Variants in SLIT3 observed in about 807,000 individuals in gnomAD.
SLIT3 encodes the protein slit guidance ligand 3, also known as slit homolog 3 protein.
SLIT3 carries 68 observed loss-of-function variants against 184.0 expected under a neutral mutation model. The observed-to-expected ratio is 0.37, with a 90% CI of 0.30 to 0.45. The LOEUF is 0.45. Among genes scored for constraint, SLIT3 ranks in the 20% least tolerant of loss-of-function variants. The pLI is 1.00. For synonymous variants in SLIT3, 831 were observed against 828.6 expected (o/e 1.00, Z -0.05); for missense variants, 1,707 against 2,026.0 (o/e 0.84, Z 3.02).
intron 4 of SLIT3, among the ~76,000 whole-genome samples, chr5:169,106,258 G>T (rs893839607): frequency 6.6e-6 from 1 of 152,144 alleles, no homozygotes; most frequent in Non-Finnish European, 1.5e-5. Context: ...GAAGCCAAGG[G>T]TCCTCTTTCA....
At chr5:169,033,502 C>T (rs899188796) in intron 4 of SLIT3, among the ~76,000 whole-genome samples, 1 of 152,050 alleles carries the variant, frequency 6.6e-6, no homozygotes, top group African/African-American at 2.4e-5. Context: ...TTTTTAATTT[C>T]CTTAGGAATA....
intron 30 of SLIT3, 110 bp downstream of exon 30, chr5:168,686,869 G>C (rs1189793177): frequency 7.4e-7 from 1 of 1,344,574 alleles, no homozygotes; most frequent in African/African-American, 1.4e-5. Flanking sequence ...CAGAACCGGG[G>C]CTACAGCCAC....
chr5:169,056,828 G>A (rs1237992690), intron 4 of SLIT3, among the ~76,000 whole-genome samples: 2 of 152,172 alleles, frequency 1.3e-5, no homozygotes, highest in Non-Finnish European at 2.9e-5. Flanking sequence ...CAGGGGAGGT[G>A]GCCCAGGGCC....
At chr5:168,723,228 C>T (rs1763001942) in intron 21 of SLIT3, among the ~76,000 whole-genome samples, 1 of 152,010 alleles carries the variant, frequency 6.6e-6, no homozygotes, top group Admixed American at 6.6e-5. Context: ...TCCATCCATA[C>T]ATCTACCCAC....
At chr5:169,216,606 G>C (rs954173740) in intron 3 of SLIT3, among the ~76,000 whole-genome samples, 1 of 152,148 alleles carries the variant, frequency 6.6e-6, no homozygotes, top group Admixed American at 6.5e-5. Context: ...GGGGAAGAAC[G>C]TGCTGTAATG....
At chr5:168,833,431 G>A (rs1172839464) in intron 6 of SLIT3, among the ~76,000 whole-genome samples, 1 of 152,172 alleles carries the variant, frequency 6.6e-6, no homozygotes, top group Non-Finnish European at 1.5e-5. Flanking sequence ...CTTACTCAAC[G>A]GGTTTCTGGT....
rs295991 is a variant in SLIT3 at position 169,103,636 on chromosome 5, G to A, written c.413+89843C>T. On this transcript the variant is annotated intron_variant, in intron 4 of 35. Coordinates refer to ENST00000519560, the MANE Select transcript of SLIT3 (RefSeq NM_003062.4). ...TCCCCAGGGTGGGCATGCTGTTACC[G>A]GGAGGTGGGTGGGTCTGCCACGTTC... 4.9e-4 allele frequency among the ~76,000 whole-genome samples: 75 copies of A among 152,286 alleles called. 1 individual carries two copies. The highest frequency in any genetic ancestry group is 1.7e-3 in the African/African-American group (72 of 41,548).
chr5:169,037,807 C>T (rs1335336570), intron 4 of SLIT3: 1 of 152,284 alleles, frequency 6.6e-6, no homozygotes, highest in East Asian at 1.9e-4. Context: ...GACTGCCGCA[C>T]TGTGACCTCG....
chr5:169,067,658 T>C (rs1041793870), intron 4 of SLIT3, among the ~76,000 whole-genome samples: 1 of 152,170 alleles, frequency 6.6e-6, no homozygotes, highest in Non-Finnish European at 1.5e-5. Context: ...CTAAAGATAC[T>C]TGGGGAGATA....
At chr5:169,184,393 A>G (rs2113449778) in intron 4 of SLIT3, among the ~76,000 whole-genome samples, 1 of 152,364 alleles carries the variant, frequency 6.6e-6, no homozygotes, top group East Asian at 1.9e-4. Flanking sequence ...CAGTTTCCTC[A>G]TCAGTGTAGC....
intron 3 of SLIT3, among the ~76,000 whole-genome samples, chr5:169,216,264 T>C (rs1764431854): frequency 6.6e-6 from 1 of 152,174 alleles, no homozygotes; most frequent in Admixed American, 6.5e-5. Flanking sequence ...CTAATTCCCT[T>C]ATCCACCATC....
intron 4 of SLIT3, among the ~76,000 whole-genome samples, chr5:168,888,103 G>C (rs558993602): frequency 6.6e-6 from 1 of 152,156 alleles, no homozygotes; most frequent in Non-Finnish European, 1.5e-5. Flanking sequence ...CCAAGGACAC[G>C]GGGGTTAAGT....
At chr5:168,883,606 G>C (rs1052733163) in intron 4 of SLIT3, among the ~76,000 whole-genome samples, 2 of 152,226 alleles carry the variant, frequency 1.3e-5, no homozygotes, top group Non-Finnish European at 2.9e-5. Flanking sequence ...GAGCCAAGAG[G>C]CTGGGTTATT....
intron 3 of SLIT3, among the ~76,000 whole-genome samples, chr5:169,196,680 C>T (rs577321839): frequency 2.6e-5 from 4 of 152,182 alleles, no homozygotes; most frequent in African/African-American, 9.7e-5. Context: ...TGCACCCAGT[C>T]GGTCAGACTC....
Position 168,778,927 on chromosome 5 carries a change from C to G in SLIT3, c.1152-4549G>C, listed in dbSNP as rs57282025. ...TTTCCCCAGATGCAGATCCAGTGAT[C>G]TTTTGGGGCCACCTGCTCCAGATCT... is the stretch of plus-strand genomic sequence containing the variant. On this transcript the variant is annotated intron_variant, in intron 12 of 35. Transcript: ENST00000519560. 1.9e-3 allele frequency among the ~76,000 whole-genome samples: 295 copies of G among 152,228 alleles called. 6 individuals are homozygous for G. The highest frequency in any genetic ancestry group is 7.7e-4 in the East Asian group (4 of 5,164).
intron 4 of SLIT3, among the ~76,000 whole-genome samples, chr5:169,050,390 A>G (rs1056613956): frequency 2.6e-5 from 4 of 152,138 alleles, no homozygotes; most frequent in Non-Finnish European, 5.9e-5. Flanking sequence ...CACTTTACCC[A>G]GTCTATCCAC....
chr5:168,721,975 G>A (rs1391313517), intron 23 of SLIT3, among the ~76,000 whole-genome samples: 1 of 152,168 alleles, frequency 6.6e-6, no homozygotes, highest in Non-Finnish European at 1.5e-5. Context: ...CCTCACAAAG[G>A]AGGTGCTATT....
Position 168,875,268 on chromosome 5 carries a change from A to G in SLIT3, c.485+7997T>C, listed in dbSNP as rs1475118467. On this transcript the variant is annotated intron_variant, in intron 5 of 35. Coordinates refer to ENST00000519560, the MANE Select transcript of SLIT3 (RefSeq NM_003062.4). ...AAGAGAGAGGGAAGAAGAGAGTGAG[A>G]AGGGAAGAAAACAGGAAAGAAGGGA... 3.3e-5 allele frequency among the ~76,000 whole-genome samples: 5 copies of G among 150,290 alleles called. No individual in the cohort carries two copies. The East Asian group carries it at 9.9e-4, about 30-fold the overall frequency.
intron 5 of SLIT3, among the ~76,000 whole-genome samples, chr5:168,874,854 G>A (rs1424870001): frequency 6.6e-6 from 1 of 152,102 alleles, no homozygotes; most frequent in African/African-American, 2.4e-5. Flanking sequence ...ATTGGCCCCG[G>A]GGCAAATAGA....
Sources: allele counts gnomAD v4.1 joint callset (sites outside exome capture counted in the v4.1 genomes callset), GRCh38; gene constraint gnomAD v4.1.1; transcripts MANE v1.5; gene names NCBI Gene and HGNC (gene_info 2026-07-23, HGNC 2026-07-21).